STK17A: variants seen among roughly 807,000 people sequenced by gnomAD.
STK17A encodes serine/threonine-protein kinase 17A.
STK17A carries 26 observed loss-of-function variants against 43.7 expected under a neutral mutation model. The ratio of observed to expected loss-of-function variants is 0.60; its 90% CI spans 0.44 to 0.83. The LOEUF is 0.83. Among genes scored for constraint, STK17A ranks in the 40% least tolerant of loss-of-function variants. The probability of loss-of-function intolerance (pLI) is 0.00; values close to 1 mark genes in which losing one functional copy is unlikely to be tolerated. For synonymous variants in STK17A, 191 were observed against 182.5 expected, an observed-to-expected ratio of 1.05 and a Z score of -0.38; for missense variants, 476 against 511.6, an observed-to-expected ratio of 0.93 and a Z score of 0.67.
In STK17A at chr7:43,624,486, A is replaced by G. The variant is rs373304977; in HGVS notation, c.921-32A>G. 2.6e-6 allele frequency: 4 copies of G among 1,557,954 alleles called. No homozygotes were observed. In the East Asian group the frequency reaches 9.0e-5, roughly 35 times the overall value. ...CTCTAATTTTAATTGAAGTTCTAAC[A>G]TGTCTTAACTGTAAAACATGTATCT... On this transcript the variant is annotated intron_variant, in intron 6 of 6. Transcript: ENST00000319357.
chr7:43,592,637 G>A (rs888989564), intron 1 of STK17A, among the ~76,000 whole-genome samples: 2 of 150,536 alleles, frequency 1.3e-5, no homozygotes, highest in Non-Finnish European at 3.0e-5. Context: ...ATCACTTGAG[G>A]CCAGGAGTTC....
chr7:43,588,153 A>G, intron 1 of STK17A, among the ~76,000 whole-genome samples: 1 of 151,502 alleles, frequency 6.6e-6, no homozygotes, highest in Non-Finnish European at 1.5e-5. Context: ...TCCTGTTCTG[A>G]TATTTTTTTT....
intron 1 of STK17A, among the ~76,000 whole-genome samples, chr7:43,583,657 A>T (rs1183968038): frequency 6.6e-6 from 1 of 152,166 alleles, no homozygotes; most frequent in Non-Finnish European, 1.5e-5. Context: ...CGCGCCCAGC[A>T]AGCGAGTGGT....
chr7:43,589,942 T>TATTTA (rs200043470), intron 1 of STK17A, among the ~76,000 whole-genome samples: 1 of 86,210 alleles, frequency 1.2e-5, no homozygotes, highest in East Asian at 2.4e-4. Flanking sequence ...ATTTTAATTT[T>TATTTA]ATTTTATTTT....
intron 3 of STK17A, 106 bp downstream of exon 3, chr7:43,608,506 G>T (rs1017650408): frequency 7.4e-7 from 1 of 1,354,856 alleles, no homozygotes; most frequent in East Asian, 2.3e-5. Context: ...GTATTATTAG[G>T]TAACAAGGAT....
chr7:43,585,425 T>G (rs10263267), intron 1 of STK17A, among the ~76,000 whole-genome samples: 18,529 of 151,416 alleles, frequency 0.12, 1,647 homozygotes, highest in Admixed American at 0.2. Flanking sequence ...AAATTAGCTT[T>G]CCGATCAGGT....
chr7:43,592,727 A>G (rs986042212), intron 1 of STK17A, among the ~76,000 whole-genome samples: 8 of 151,498 alleles, frequency 5.3e-5, no homozygotes, highest in Non-Finnish European at 1.0e-4. Flanking sequence ...TTAGCTGGGC[A>G]TGATGGTATG....
intron 3 of STK17A, among the ~76,000 whole-genome samples, chr7:43,618,792 CA>C (rs1164063918): frequency 6.6e-6 from 1 of 152,126 alleles, no homozygotes; most frequent in African/African-American, 2.4e-5. Context: ...CATTACTGTA[CA>C]TGTCCTCACC....
chr7:43,620,235 T>C (rs1489834863), intron 4 of STK17A, among the ~76,000 whole-genome samples: 2 of 152,176 alleles, frequency 1.3e-5, no homozygotes, highest in African/African-American at 4.8e-5. Flanking sequence ...TCCATGGGTG[T>C]AGGCGTATCA....
intron 3 of STK17A, among the ~76,000 whole-genome samples, chr7:43,616,668 C>T (rs899507680): frequency 1.3e-4 from 20 of 152,132 alleles, no homozygotes; most frequent in East Asian, 1.9e-4. Flanking sequence ...GAGGCTGAGA[C>T]GGGCGGATCA....
intron 1 of STK17A, among the ~76,000 whole-genome samples, chr7:43,594,948 GTTA>G (rs1374513749): frequency 6.6e-6 from 1 of 151,380 alleles, no homozygotes; most frequent in Non-Finnish European, 1.5e-5. Flanking sequence ...ACCACCTAAG[GTTA>G]CTGTCAAGTG....
At chr7:43,594,880 A>AAG (rs2082504161) in intron 1 of STK17A, among the ~76,000 whole-genome samples, 1 of 149,102 alleles carries the variant, frequency 6.7e-6, no homozygotes, top group Admixed American at 6.7e-5. Flanking sequence ...TCTCTTAAAA[A>AAG]AAAAAAAAAA....
intron 4 of STK17A, 32 bp from the exon 5 acceptor site, chr7:43,623,540 A>T (rs1484045665): frequency 6.3e-7 from 1 of 1,595,230 alleles, no homozygotes; most frequent in Non-Finnish European, 8.5e-7. Context: ...TTTTCCACAA[A>T]ACTAAATGTT....
At position 43,594,997 on chromosome 7, in the gene STK17A, C is replaced by G. The variant is rs2082505535; in HGVS notation, c.207-904C>G. 2.6e-5 allele frequency among the ~76,000 whole-genome samples: 4 copies of G among 152,168 alleles called. No homozygotes were observed. In the South Asian group the frequency reaches 6.2e-4, roughly 24 times the overall value. ...GGTTCAAGCCCACATAGGTTTAATT[C>G]CAGAGCTCATACTTTTAATCAGTAT... On this transcript the variant is annotated intron_variant, in intron 1 of 6. Coordinates refer to ENST00000319357, the MANE Select transcript of STK17A (RefSeq NM_004760.3).
chr7:43,610,113 G>A (rs1275086125), intron 3 of STK17A, among the ~76,000 whole-genome samples: 2 of 152,068 alleles, frequency 1.3e-5, no homozygotes, highest in Admixed American at 6.5e-5. Context: ...TTGGGAGGCC[G>A]AGGTGGGCGG....
intron 3 of STK17A, among the ~76,000 whole-genome samples, chr7:43,609,792 A>T (rs1473586836): frequency 1.3e-5 from 2 of 152,160 alleles, no homozygotes; most frequent in Non-Finnish European, 2.9e-5. Flanking sequence ...CCTCTGGACC[A>T]CCCCCAAAAA....
intron 2 of STK17A, among the ~76,000 whole-genome samples, chr7:43,606,706 TG>T (rs1354377762): frequency 6.6e-6 from 1 of 152,074 alleles, no homozygotes; most frequent in African/African-American, 2.4e-5. Context: ...TTACTATACT[TG>T]AGAGATGCTT....
intron 1 of STK17A, among the ~76,000 whole-genome samples, chr7:43,595,148 GATAA>G (rs1158192921): frequency 1.3e-5 from 2 of 151,902 alleles, no homozygotes; most frequent in Non-Finnish European, 2.9e-5. Context: ...TAGTTAAAAT[GATAA>G]ATGAGTGAGA....
chr7:43,594,150 C>T (rs4236372), intron 1 of STK17A, among the ~76,000 whole-genome samples: 16,997 of 151,856 alleles, frequency 0.11, 1,057 homozygotes, highest in Admixed American at 0.19. Context: ...CCCAGCTATA[C>T]AGGAGGCTGA....
Sources: gnomAD v4.1 joint callset for allele counts (sites outside exome capture counted in the v4.1 genomes callset) on GRCh38, gnomAD v4.1.1 for gene constraint, MANE v1.5 for transcripts, NCBI Gene and HGNC (gene_info 2026-07-23, HGNC 2026-07-21) for gene names.